The following VPS37C variants were observed in gnomAD, a reference collection of about 807,000 sequenced individuals.
VPS37C encodes vacuolar protein sorting-associated protein 37C.
Under a neutral mutation model 16.1 loss-of-function variants are expected in VPS37C, and 9 were observed. The ratio of observed to expected loss-of-function variants is 0.56; its 90% CI spans 0.34 to 0.97. The LOEUF (loss-of-function observed/expected upper bound fraction) is 0.97. Ranked by LOEUF, VPS37C falls within the 50% of genes least tolerant of loss-of-function variation. The pLI is 0.02. For missense variants in VPS37C, 479 were observed against 472.7 expected (o/e 1.01, Z -0.12); for synonymous variants, 207 against 206.4 (o/e 1.00, Z -0.02).
chr11:61,144,689 C>G (rs1431104442), intron 1 of VPS37C: 1 of 152,428 alleles, frequency 6.6e-6, no homozygotes, highest in Non-Finnish European at 1.5e-5. Flanking sequence ...CGGAACGTCA[C>G]GGCCACAGCT....
chr11:61,137,638 C>A (rs1861402306), intron 2 of VPS37C, among the ~76,000 whole-genome samples: 1 of 152,210 alleles, frequency 6.6e-6, no homozygotes, highest in Non-Finnish European at 1.5e-5. Flanking sequence ...CACAGCCTCA[C>A]AAGCCATTTG....
intron 2 of VPS37C, among the ~76,000 whole-genome samples, chr11:61,136,974 A>G (rs1861387521): frequency 6.6e-6 from 1 of 152,134 alleles, no homozygotes; most frequent in Admixed American, 6.6e-5. Flanking sequence ...GCGCCATTGC[A>G]CTCCAGCCTG....
chr11:61,143,358 CTTAATTT>C (rs1861505472), intron 1 of VPS37C: 11 of 119,200 alleles, frequency 9.2e-5, no homozygotes, highest in African/African-American at 3.0e-4. Flanking sequence ...CTCCAGGATT[CTTAATTT>C]TTTTTTTTTT....
intron 2 of VPS37C, among the ~76,000 whole-genome samples, chr11:61,137,288 T>C (rs908417804): frequency 6.6e-6 from 1 of 152,188 alleles, no homozygotes; most frequent in African/African-American, 2.4e-5. Context: ...ATAAAAAAGT[T>C]TGCCAATGGT....
chr11:61,147,890 G>C (rs1853241470), intron 1 of VPS37C, among the ~76,000 whole-genome samples: 1 of 152,204 alleles, frequency 6.6e-6, no homozygotes, highest in African/African-American at 2.4e-5. Context: ...CATGGAATTT[G>C]AAAACAGATG....
chr11:61,134,320 A>C, intron 2 of VPS37C, 113 bp from the exon 3 acceptor site: 1 of 1,217,826 alleles, frequency 8.2e-7, no homozygotes, highest in Non-Finnish European at 1.1e-6. Context: ...GGAGAGGCTC[A>C]TCCTTGGGGC....
At chr11:61,150,695 CCT>C (rs1424942178) in intron 1 of VPS37C, among the ~76,000 whole-genome samples, 2 of 151,958 alleles carry the variant, frequency 1.3e-5, no homozygotes, top group African/African-American at 4.8e-5. Flanking sequence ...AGAGTTGGCC[CCT>C]GAGACCACCG....
At chr11:61,159,566 G>C (rs1485489610) in intron 1 of VPS37C, among the ~76,000 whole-genome samples, 3 of 151,938 alleles carry the variant, frequency 2.0e-5, no homozygotes, top group Non-Finnish European at 4.4e-5. Context: ...AGGCCAAAGC[G>C]GGTGGATCAC....
intron 2 of VPS37C, among the ~76,000 whole-genome samples, chr11:61,135,798 C>T (rs2134630592): frequency 6.6e-6 from 1 of 152,340 alleles, no homozygotes; most frequent in East Asian, 1.9e-4. Context: ...CCCTCCTGCT[C>T]ACCCATCCCT....
At chr11:61,138,904 T>C in intron 1 of VPS37C, 69 bp from the exon 2 acceptor site, 5 of 1,447,482 alleles carry the variant, frequency 3.5e-6, no homozygotes, top group Non-Finnish European at 4.8e-6. Flanking sequence ...AGCCTGTACA[T>C]ATGATTTATC....
At chr11:61,141,089 C>A (rs544591174) in intron 1 of VPS37C, among the ~76,000 whole-genome samples, 1 of 152,254 alleles carries the variant, frequency 6.6e-6, no homozygotes, top group Non-Finnish European at 1.5e-5. Flanking sequence ...AAAAGCTGGG[C>A]CAGGTGCAGT....
intron 1 of VPS37C, among the ~76,000 whole-genome samples, chr11:61,141,926 T>C (rs2134638769): frequency 6.6e-6 from 1 of 152,336 alleles, no homozygotes; most frequent in East Asian, 1.9e-4. Flanking sequence ...CACCACCATC[T>C]GTGAAAGCAC....
intron 1 of VPS37C, chr11:61,144,684 C>G (rs1053003867): frequency 6.6e-6 from 1 of 152,412 alleles, no homozygotes; most frequent in East Asian, 1.9e-4. Flanking sequence ...AGAGGCGGAA[C>G]GTCACGGCCA....
chr11:61,139,931 C>CA (rs1241646423), intron 1 of VPS37C, among the ~76,000 whole-genome samples: 2 of 152,044 alleles, frequency 1.3e-5, no homozygotes, highest in Admixed American at 6.6e-5. Flanking sequence ...TTTGTAGAGA[C>CA]AGGGTCTCAC....
At chr11:61,154,941 C>T (rs886693587) in intron 1 of VPS37C, among the ~76,000 whole-genome samples, 1 of 151,680 alleles carries the variant, frequency 6.6e-6, no homozygotes, top group Non-Finnish European at 1.5e-5. Flanking sequence ...CCTGTCTCTA[C>T]AAAAAATAAA....
rs781656854 is a variant in VPS37C at position 61,132,551 on chromosome 11, A to C, written c.349-12T>G. The C allele has an allele frequency of 5.1e-6, 8 of 1,575,174 alleles. No individual in the cohort carries two copies. In the South Asian group the frequency reaches 9.4e-5, roughly 18 times the overall value. On this transcript the variant is annotated splice_polypyrimidine_tract_variant and intron_variant, in intron 4 of 4. Coordinates refer to ENST00000301765, the MANE Select transcript of VPS37C (RefSeq NM_017966.5). ...TTCTCAGCCATGGCCTGGAAGACAT[A>C]AGGTCCAGTGACAACAGGGGCAGCT... is the stretch of plus-strand genomic sequence containing the variant.
chr11:61,159,758 C>T (rs1444612380), intron 1 of VPS37C, among the ~76,000 whole-genome samples: 1 of 150,522 alleles, frequency 6.6e-6, no homozygotes, highest in African/African-American at 2.4e-5. Context: ...CAAAAATTAG[C>T]CGGGCGTGGT....
rs1861306716 is a variant in VPS37C, at chr11:61,133,294, A to G, written c.309T>C (p.Leu103=). 1 of 1,614,072 alleles carries G rather than the reference A, an allele frequency of 6.2e-7. No homozygotes were observed. The highest frequency in any genetic ancestry group is 1.1e-5 in the South Asian group (1 of 91,086). Residue 103 remains leucine (L), a synonymous_variant, in exon 4 of 5, where the codon CTT becomes CTC. Coordinates refer to ENST00000301765, the MANE Select transcript of VPS37C (RefSeq NM_017966.5). ...CGATCTTCATGCCTTCCACCTGCAG[A>G]AGGTCTAACAAGGTCCCTGGCTGCA... ...SALQPGTLLD[L]LQVEGMKIEE...
At chr11:61,157,206 T>C (rs1191281927) in intron 1 of VPS37C, among the ~76,000 whole-genome samples, 1 of 152,288 alleles carries the variant, frequency 6.6e-6, no homozygotes, top group Non-Finnish European at 1.5e-5. Flanking sequence ...AACATGGGTA[T>C]ACAAATACTT....
Sources: gnomAD v4.1 joint callset for allele counts (sites outside exome capture counted in the v4.1 genomes callset) on GRCh38, gnomAD v4.1.1 for gene constraint, MANE v1.5 for transcripts, NCBI Gene and HGNC (gene_info 2026-07-23, HGNC 2026-07-21) for gene names.